SNTB1: variants seen among roughly 807,000 people sequenced by gnomAD.
SNTB1 encodes beta-1-syntrophin.
SNTB1 carries 36 observed loss-of-function variants against 48.9 expected under a neutral mutation model. The observed-to-expected ratio is 0.74, with a 90% CI of 0.56 to 0.97. The LOEUF is 0.97. SNTB1 is among the 50% of genes least tolerant of loss of function. SNTB1 has a pLI of 0.00. For missense variants in SNTB1, 786 were observed against 703.4 expected, an observed-to-expected ratio of 1.12 and a Z score of -1.33; for synonymous variants, 299 against 294.6, an observed-to-expected ratio of 1.01 and a Z score of -0.15.
intron 1 of SNTB1, among the ~76,000 whole-genome samples, chr8:120,743,608 C>T (rs1033159239): frequency 1.3e-5 from 2 of 152,140 alleles, no homozygotes; most frequent in Non-Finnish European, 2.9e-5. Flanking sequence ...TAAAGTAAAA[C>T]CCCCTTTCAA....
chr8:120,582,840 T>C (rs1417048544), intron 3 of SNTB1, among the ~76,000 whole-genome samples: 1 of 152,130 alleles, frequency 6.6e-6, no homozygotes, highest in Non-Finnish European at 1.5e-5. Flanking sequence ...AATGGGTTGA[T>C]AGGTGCAGCA....
At chr8:120,549,584 C>T (rs1815444228) in intron 4 of SNTB1, among the ~76,000 whole-genome samples, 1 of 152,202 alleles carries the variant, frequency 6.6e-6, no homozygotes, top group African/African-American at 2.4e-5. Context: ...ATTTTTACCA[C>T]ACAAGATTTT....
chr8:120,608,661 C>T (rs1446087056), intron 3 of SNTB1, among the ~76,000 whole-genome samples: 6 of 152,146 alleles, frequency 3.9e-5, no homozygotes, highest in African/African-American at 1.4e-4. Context: ...CTATGGCAGA[C>T]TTAGCAAACT....
intron 3 of SNTB1, among the ~76,000 whole-genome samples, chr8:120,625,263 G>A (rs1816855364): frequency 6.6e-6 from 1 of 152,172 alleles, no homozygotes; most frequent in Admixed American, 6.5e-5. Context: ...ATGTGGCCAG[G>A]CACAGGGGGC....
chr8:120,751,702 C>A (rs1391214711), intron 1 of SNTB1, among the ~76,000 whole-genome samples: 1 of 152,080 alleles, frequency 6.6e-6, no homozygotes, highest in Non-Finnish European at 1.5e-5. Flanking sequence ...CTAGTTATAT[C>A]TTCTCGAGTC....
At chr8:120,770,823 T>A (rs961526895) in intron 1 of SNTB1, among the ~76,000 whole-genome samples, 1 of 151,854 alleles carries the variant, frequency 6.6e-6, no homozygotes, top group Non-Finnish European at 1.5e-5. Context: ...CAAAAAAAAA[T>A]TTTTAAAAAG....
At chr8:120,687,503 C>T (rs559198573) in intron 2 of SNTB1, among the ~76,000 whole-genome samples, 7 of 152,274 alleles carry the variant, frequency 4.6e-5, no homozygotes, top group Admixed American at 2.6e-4. Flanking sequence ...AGGGTTACCT[C>T]GGCAAGGCTC....
chr8:120,783,072 T>C (rs1819856688), intron 1 of SNTB1, among the ~76,000 whole-genome samples: 1 of 152,228 alleles, frequency 6.6e-6, no homozygotes, highest in Non-Finnish European at 1.5e-5. Context: ...TCTGCAAATA[T>C]GTTTATCTAA....
chr8:120,775,555 T>G (rs1819717203), intron 1 of SNTB1: 1 of 151,492 alleles, frequency 6.6e-6, no homozygotes, highest in African/African-American at 2.4e-5. Flanking sequence ...TGCACTCAAT[T>G]TAAAAGACAG....
intron 3 of SNTB1, among the ~76,000 whole-genome samples, chr8:120,610,015 A>G (rs762824528): frequency 3.3e-5 from 5 of 152,252 alleles, no homozygotes; most frequent in Non-Finnish European, 7.3e-5. Flanking sequence ...GGCTAGATCA[A>G]TGTTCTTAAT....
At chr8:120,692,158 G>A (rs958663105) in intron 2 of SNTB1, among the ~76,000 whole-genome samples, 4 of 152,134 alleles carry the variant, frequency 2.6e-5, no homozygotes, top group Admixed American at 1.3e-4. Flanking sequence ...TAGGGAGAGC[G>A]GGGTAGAAAG....
chr8:120,617,321 TC>T (rs1215543349), intron 3 of SNTB1, among the ~76,000 whole-genome samples: 4 of 152,224 alleles, frequency 2.6e-5, no homozygotes, highest in Admixed American at 6.5e-5. Flanking sequence ...CTCATGTGGT[TC>T]TTAGAGTTGG....
In SNTB1 at chr8:120,726,519, A is replaced by C. The variant is rs150781649; in HGVS notation, c.572-32611T>G. Reference sequence around the variant, plus strand: ...AACAAAATTATGAATGAATCTTCAGATAACATGTGAGATGAATGTGGACAT... The same window carrying C: ...AACAAAATTATGAATGAATCTTCAGCTAACATGTGAGATGAATGTGGACAT... On this transcript the variant is annotated intron_variant, in intron 1 of 6. Transcript: ENST00000517992. Among the ~76,000 whole-genome samples the C allele has an allele frequency of 4.2e-3, 634 of 152,362 alleles. 8 individuals carry two copies. The highest frequency in any genetic ancestry group is 0.014 in the African/African-American group (597 of 41,582).
At chr8:120,607,006 A>T (rs1816533795) in intron 3 of SNTB1, among the ~76,000 whole-genome samples, 3 of 152,198 alleles carry the variant, frequency 2.0e-5, no homozygotes, top group South Asian at 2.1e-4. Flanking sequence ...TCTTGAGATG[A>T]GAAGACTGTA....
chr8:120,630,443 T>C (rs1816960962), intron 3 of SNTB1, among the ~76,000 whole-genome samples: 1 of 152,182 alleles, frequency 6.6e-6, no homozygotes, highest in Non-Finnish European at 1.5e-5. Flanking sequence ...CTGGAGTTCT[T>C]CTCTATCTCT....
intron 2 of SNTB1, chr8:120,637,750 G>T (rs567363729): frequency 1.2e-5 from 5 of 407,760 alleles, no homozygotes; most frequent in African/African-American, 6.5e-5. Flanking sequence ...CACAGCATAA[G>T]ATAAGACATT....
chr8:120,554,767 A>C (rs1815539023), intron 4 of SNTB1, among the ~76,000 whole-genome samples: 1 of 152,116 alleles, frequency 6.6e-6, no homozygotes, highest in Non-Finnish European at 1.5e-5. Flanking sequence ...CGTGGGATGA[A>C]ACCTATACCT....
In SNTB1 at chr8:120,811,426, T is replaced by C. The variant is rs1169766499; in HGVS notation, c.418A>G (p.Ser140Gly). Residue 140 changes from serine (S) to glycine (G), a missense_variant, in exon 1 of 7, where the codon AGC becomes GGC. Ser to Gly is a moderately conservative substitution (Grantham distance 56, BLOSUM62 0). Coordinates refer to ENST00000517992, the MANE Select transcript of SNTB1 (RefSeq NM_021021.4). ...GKENKMPILI[S>G]KIFKGLAADQ... ...GCCGCCAGCCCCTTGAAGATCTTGCTGATGAGGATGGGCATCTTGTTCTCC... is the reference window on the plus strand; with the variant it reads ...GCCGCCAGCCCCTTGAAGATCTTGCCGATGAGGATGGGCATCTTGTTCTCC... The C allele has an allele frequency of 6.2e-7, 1 of 1,614,028 alleles. No individual in the cohort carries two copies.
At chr8:120,650,051 A>T (rs1311715291) in intron 2 of SNTB1, among the ~76,000 whole-genome samples, 2 of 151,786 alleles carry the variant, frequency 1.3e-5, no homozygotes, top group Non-Finnish European at 2.9e-5. Context: ...GCACCCACTG[A>T]CCTGCGCCCA....
Sources: allele counts gnomAD v4.1 joint callset (sites outside exome capture counted in the v4.1 genomes callset), GRCh38; gene constraint gnomAD v4.1.1; transcripts MANE v1.5; gene names NCBI Gene and HGNC (gene_info 2026-07-23, HGNC 2026-07-21).